The following MAP2K2 variants were observed in gnomAD, a reference collection of about 807,000 sequenced individuals.
MAP2K2 encodes the protein mitogen-activated protein kinase kinase 2, also known as dual specificity mitogen-activated protein kinase kinase 2.
MAP2K2 carries 24 observed loss-of-function variants against 43.7 expected under a neutral mutation model. That is an observed-to-expected ratio of 0.55 (90% CI 0.40 to 0.77). The LOEUF (loss-of-function observed/expected upper bound fraction) is 0.77. MAP2K2 is among the 30% of genes least tolerant of loss of function. The pLI is 0.00. For missense variants in MAP2K2, 470 were observed against 566.8 expected, an observed-to-expected ratio of 0.83 and a Z score of 1.73; for synonymous variants, 244 against 239.7, an observed-to-expected ratio of 1.02 and a Z score of -0.17.
chr19:4,093,108 C>G (rs1032160231), intron 10 of MAP2K2, among the ~76,000 whole-genome samples: 3 of 152,128 alleles, frequency 2.0e-5, no homozygotes, highest in African/African-American at 7.2e-5. Context: ...ACTTAGGAGG[C>G]TGAGGAGGCT....
Position 4,101,370 on chromosome 19 carries a change from C to G in MAP2K2, c.529-90G>C, listed in dbSNP as rs1053739998. 1.1e-5 allele frequency: 16 copies of G among 1,418,878 alleles called. No individual in the cohort carries two copies. Among genetic ancestry groups the G allele is most frequent in the Non-Finnish European group, 1.5e-5 (15 of 1,028,002 alleles). 87.9% of individuals were successfully genotyped at this position (1,418,878 alleles called of 1,614,324 possible). A position where few individuals can be genotyped will look rare whatever the true frequency, so the allele number is the denominator to read the frequency against. ...GGGGGTCAGAGCTGAGCAGTCAGAG[C>G]TGGAGCGAGGGAGCTGCGGCAGGAA... On this transcript the variant is annotated intron_variant, in intron 4 of 10. Coordinates refer to ENST00000262948, the MANE Select transcript of MAP2K2 (RefSeq NM_030662.4). This position sits in a 1 kb window ranked among gnomAD's most constrained non-coding sequence, Gnocchi z 6.3.
rs2040894253 is a variant in MAP2K2 at position 4,094,882 on chromosome 19, C to T, written c.1047-384G>A. ...CCGGCACCAGGAGTGCGGTGCCGTTCCACGGCGTCCCGAGCTCACACACAT... is the reference window on the plus strand; with the variant it reads ...CCGGCACCAGGAGTGCGGTGCCGTTTCACGGCGTCCCGAGCTCACACACAT... On this transcript the variant is annotated intron_variant, in intron 9 of 10. Transcript: ENST00000262948. 2.0e-5 allele frequency: 8 copies of T among 401,004 alleles called. No homozygotes were observed. The South Asian group carries it at 2.4e-4, about 12-fold the overall frequency. 24.8% of individuals were successfully genotyped at this position (401,004 alleles called of 1,614,324 possible). A position where few individuals can be genotyped will look rare whatever the true frequency, so the allele number is the denominator to read the frequency against.
intron 3 of MAP2K2, among the ~76,000 whole-genome samples, chr19:4,106,805 C>T: frequency 6.6e-6 from 1 of 152,236 alleles, no homozygotes; most frequent in East Asian, 1.9e-4. Context: ...TTTCACTTTG[C>T]CACTGCAAAG....
intron 9 of MAP2K2, 77 bp downstream of exon 9, chr19:4,095,311 C>T (rs911710388): frequency 7.7e-5 from 106 of 1,368,644 alleles, no homozygotes; most frequent in Admixed American, 6.7e-4. Flanking sequence ...GGCTGGGCCA[C>T]GGGCCCCACC....
chr19:4,115,104 C>T lies in MAP2K2; in HGVS notation c.303+2315G>A, dbSNP rs2041203748. On this transcript the variant is annotated intron_variant, in intron 2 of 10. Transcript: ENST00000262948. The surrounding 1 kb of genome is among the most constrained non-coding windows in gnomAD (Gnocchi z 4.1). ...TAATTTTGAAAGAATTATAGAAGCA[C>T]AGGAAGTTGCAAAAATAGTAACGAG... Among the ~76,000 whole-genome samples, 1 of 152,106 alleles carries T rather than the reference C, an allele frequency of 6.6e-6. No individual in the cohort carries two copies. Among genetic ancestry groups the T allele is most frequent in the Non-Finnish European group, 1.5e-5 (1 of 68,034 alleles).
At chr19:4,123,444 C>T (rs965609210) in intron 1 of MAP2K2, among the ~76,000 whole-genome samples, 2 of 151,678 alleles carry the variant, frequency 1.3e-5, no homozygotes, top group Admixed American at 6.6e-5. Context: ...CAATTCCACT[C>T]TTCAGGAACC....
At chr19:4,110,727 C>T (rs2145070746) in intron 2 of MAP2K2, 72 bp from the exon 3 acceptor site, 4 of 1,538,662 alleles carry the variant, frequency 2.6e-6, no homozygotes, top group East Asian at 2.3e-5. Context: ...GGGGCCTCTG[C>T]TCTGCAGGCG....
intron 9 of MAP2K2, 21 bp from the exon 10 acceptor site, chr19:4,094,519 G>T: frequency 6.4e-7 from 1 of 1,562,296 alleles, no homozygotes; most frequent in Non-Finnish European, 8.7e-7. Flanking sequence ...CAAGAGGCAG[G>T]ACCGGGAGGC....
chr19:4,091,577 T>C (rs1314432285), intron 10 of MAP2K2, among the ~76,000 whole-genome samples: 1 of 152,118 alleles, frequency 6.6e-6, no homozygotes, highest in East Asian at 1.9e-4. Flanking sequence ...GGTCTCGAAC[T>C]CCTGAACTCA....
intron 3 of MAP2K2, among the ~76,000 whole-genome samples, chr19:4,104,409 C>T (rs778789932): frequency 1.1e-4 from 17 of 148,446 alleles, no homozygotes; most frequent in Non-Finnish European, 2.1e-4. Flanking sequence ...CAAAATCAGC[C>T]GGGCGTGGTG....
chr19:4,097,545 G>T (rs1300664121), intron 7 of MAP2K2, among the ~76,000 whole-genome samples: 1 of 152,152 alleles, frequency 6.6e-6, no homozygotes, highest in East Asian at 1.9e-4. Context: ...CTCCTTGCCT[G>T]AGCCTCTAGT....
At position 4,115,868 on chromosome 19, in the gene MAP2K2, G is replaced by A. The variant is rs1169067436; in HGVS notation, c.303+1551C>T. The stretch of plus-strand genomic sequence containing the variant: ...ACACCGGTGAGGAGCTGAACACCCT[G>A]TCAACACTAAGTCCCCTACTTCTGT... On this transcript the variant is annotated intron_variant, in intron 2 of 10. Coordinates refer to ENST00000262948, the MANE Select transcript of MAP2K2 (RefSeq NM_030662.4). The surrounding 1 kb of genome is among the most constrained non-coding windows in gnomAD (Gnocchi z 4.1). Among the ~76,000 whole-genome samples the A allele has an allele frequency of 6.6e-6, 1 of 152,148 alleles. No homozygotes were observed. The highest frequency in any genetic ancestry group is 1.5e-5 in the Non-Finnish European group (1 of 68,026).
intron 2 of MAP2K2, among the ~76,000 whole-genome samples, chr19:4,116,087 C>G (rs1055802936): frequency 6.6e-6 from 1 of 152,240 alleles, no homozygotes; most frequent in East Asian, 1.9e-4. Flanking sequence ...TCGGTGAGAC[C>G]ACGGTGCCCA....
chr19:4,102,597 G>A (rs1390839816), intron 3 of MAP2K2, 144 bp from the exon 4 acceptor site: 7 of 893,966 alleles, frequency 7.8e-6, no homozygotes, highest in African/African-American at 1.6e-5. Context: ...CGGGCCAAGG[G>A]CAGGGCGTCT....
At chr19:4,105,853 G>A (rs75325073) in intron 3 of MAP2K2, among the ~76,000 whole-genome samples, 6,939 of 151,920 alleles carry the variant, frequency 0.046, 543 homozygotes, top group African/African-American at 0.16. Context: ...TTGTAGAGAC[G>A]GGGGTTCCTC....
intron 9 of MAP2K2, chr19:4,094,833 G>A (rs2040893402): frequency 2.3e-6 from 1 of 436,390 alleles, no homozygotes; most frequent in Non-Finnish European, 4.2e-6. Context: ...TCGCCGGAGC[G>A]CACGCCAAGG....
intron 8 of MAP2K2, among the ~76,000 whole-genome samples, chr19:4,095,822 T>A (rs991592994): frequency 6.6e-6 from 1 of 152,238 alleles, no homozygotes; most frequent in Admixed American, 6.5e-5. Context: ...TTGCCCAGGC[T>A]GGAGTGCAAT....
chr19:4,104,614 C>T (rs993659904), intron 3 of MAP2K2: 2 of 152,290 alleles, frequency 1.3e-5, no homozygotes, highest in Admixed American at 6.5e-5. Context: ...GAAAACCAAA[C>T]AGACGCACCA....
At chr19:4,095,367 G>T in intron 9 of MAP2K2, 21 bp downstream of exon 9, 1 of 1,549,992 alleles carries the variant, frequency 6.5e-7, no homozygotes, top group Non-Finnish European at 8.7e-7. Flanking sequence ...CCAGGGGTGT[G>T]GGCAGCCCGG....
Sources: gnomAD v4.1 joint callset for allele counts (sites outside exome capture counted in the v4.1 genomes callset) on GRCh38, gnomAD v4.1.1 for gene constraint, Gnocchi (gnomAD v3.1) non-coding constraint, MANE v1.5 for transcripts, NCBI Gene and HGNC (gene_info 2026-07-23, HGNC 2026-07-21) for gene names.